INF2: variants seen among roughly 807,000 people sequenced by gnomAD.
INF2 encodes the protein inverted formin 2.
INF2 carries 43 observed loss-of-function variants against 123.5 expected under a neutral mutation model. The observed-to-expected ratio is 0.35, with a 90% CI of 0.27 to 0.45. The LOEUF is 0.45. Among genes scored for constraint, INF2 ranks in the 20% least tolerant of loss-of-function variants. The pLI is 1.00. For synonymous variants in INF2, 851 were observed against 745.0 expected (o/e 1.14, Z -2.32); for missense variants, 1,453 against 1,682.7 (o/e 0.86, Z 2.39).
Position 104,706,029 on chromosome 14 carries a change from G to T in INF2, c.702-6G>T. On this transcript the variant is annotated splice_polypyrimidine_tract_variant and splice_region_variant and intron_variant, in intron 5 of 22. Transcript: ENST00000392634. Reference sequence around the variant, plus strand: ...AGGCTTAGCCCACCTGGCCCCTCCTGCACAGAGACCTGGAGGATGCCGACC... The same window carrying T: ...AGGCTTAGCCCACCTGGCCCCTCCTTCACAGAGACCTGGAGGATGCCGACC... The T allele has an allele frequency of 6.2e-7, 1 of 1,611,230 alleles. No individual in the cohort carries two copies. Among genetic ancestry groups the T allele is most frequent in the Non-Finnish European group, 8.5e-7 (1 of 1,179,250 alleles).
rs1889888454 is a variant in INF2, at chr14:104,708,464, C to G, written c.1764C>G (p.Ser588Arg). 1 of 1,612,446 alleles carries G rather than the reference C, an allele frequency of 6.2e-7. No homozygotes were observed. Among genetic ancestry groups the G allele is most frequent in the Non-Finnish European group, 8.5e-7 (1 of 1,179,812 alleles). ...ACAACTCTATGTGGGCGTCCCTGAG[C>G]AGCCCCGACGCCGAGGCTGTGGAGC... ...REHNSMWASL[S>R]SPDAEAVEPD... Residue 588 changes from serine (S) to arginine (R), a missense_variant, in exon 9 of 23, where the codon AGC (serine) becomes AGG (arginine). Physicochemically the swap from Ser to Arg is moderately radical, Grantham distance 110. This residue lies in a region of INF2 where 192 missense variants were observed against 274.4 expected (regional missense o/e 0.70). Transcript: ENST00000392634.
intron 1 of INF2, among the ~76,000 whole-genome samples, chr14:104,700,108 TGCTCGACCCC>T (rs1250374608): frequency 2.0e-5 from 3 of 151,990 alleles, no homozygotes; most frequent in African/African-American, 7.3e-5. Flanking sequence ...GGCGCTTGGG[TGCTCGACCCC>T]GCTCAGCTCC....
At chr14:104,705,037 CTCAG>C (rs1162631436) in intron 5 of INF2, among the ~76,000 whole-genome samples, 3 of 152,242 alleles carry the variant, frequency 2.0e-5, no homozygotes, top group South Asian at 2.1e-4. Context: ...CTATCCAGGC[CTCAG>C]TCAGGACTGT....
In INF2 at chr14:104,713,515, C is replaced by T; in HGVS notation, c.2949C>T (p.Gly983=). ...CCCTGCTGGCTGACATCAGGAAGGG[C>T]TTCCAGCTGCGGAAGACAGCCCGGG... is the stretch of plus-strand genomic sequence containing the variant. ...IDALLADIRK[G]FQLRKTARGR... Residue 983 remains glycine, a synonymous_variant, in exon 20 of 23, where the codon GGC becomes GGT. Transcript: ENST00000392634. 1.2e-6 allele frequency: 2 copies of T among 1,611,700 alleles called. No homozygotes were observed. Among genetic ancestry groups the T allele is most frequent in the Non-Finnish European group, 1.7e-6 (2 of 1,179,482 alleles).
At chr14:104,703,651 C>T (rs1889640240) in intron 4 of INF2, among the ~76,000 whole-genome samples, 197 bp downstream of exon 4, 1 of 152,238 alleles carries the variant, frequency 6.6e-6, no homozygotes. Flanking sequence ...GGGGGTCAAC[C>T]CTGGACCGTT....
At position 104,712,974 on chromosome 14, in the gene INF2, T is replaced by C. The variant is rs544483655; in HGVS notation, c.2757T>C (p.Leu919=). 5 of 1,612,408 alleles carry C rather than the reference T, an allele frequency of 3.1e-6. No individual in the cohort carries two copies. Among genetic ancestry groups the C allele is most frequent in the Admixed American group, 1.7e-5 (1 of 60,002 alleles). ...TFSTMKAFRD[L]FLRALKENKD... is the part of the protein sequence containing the mutation. ...GCACCATGAAGGCTTTCCGGGACCT[T>C]TTCCTCCGCGCCCTGAAGGTGGGGC... Residue 919 remains leucine (L), a synonymous_variant, in exon 18 of 23, where the codon CTT becomes CTC. Transcript: ENST00000392634.
At chr14:104,714,950 G>A in intron 21 of INF2, 94 bp downstream of exon 21, 9 of 1,326,540 alleles carry the variant, frequency 6.8e-6, no homozygotes, top group Non-Finnish European at 9.1e-6. Context: ...GCAAGTTCCA[G>A]CGGCACCCAG....
In INF2 at chr14:104,714,502, C is replaced by T. The variant is rs758097778; in HGVS notation, c.3340C>T (p.Leu1114Phe). 1.9e-6 allele frequency: 3 copies of T among 1,612,778 alleles called. No homozygotes were observed. The highest frequency in any genetic ancestry group is 2.5e-6 in the Non-Finnish European group (3 of 1,179,846). The change falls in exon 21 of 23, where the codon CTC becomes TTC. Residue 1114 changes from leucine to phenylalanine, a missense_variant. By Grantham distance (22) the Leu-to-Phe change is conservative. Around this residue, in one of 8 missense-constraint regions of INF2, gnomAD observed 344 missense variants for 333.1 expected, o/e 1.03. Coordinates refer to ENST00000392634, the MANE Select transcript of INF2 (RefSeq NM_022489.4). ...GGGAGATGCTCAGGCCCTGAAGCCC[C>T]TCAAGTTCTCCAGCAACCAGCCCCC... ...TLGDAQALKP[L>F]KFSSNQPPAA...
Position 104,709,284 on chromosome 14 carries a change from C to A in INF2, c.1953C>A (p.Ser651=). The A allele has an allele frequency of 6.2e-7, 1 of 1,612,402 alleles. No homozygotes were observed. The highest frequency in any genetic ancestry group is 8.5e-7 in the Non-Finnish European group (1 of 1,179,508). ...CCCGGTCCTCTCCCTGCTCCAGCTCCAACGAGGAGGTCGCTGCTATGATCC... is the reference window on the plus strand; with the variant it reads ...CCCGGTCCTCTCCCTGCTCCAGCTCAAACGAGGAGGTCGCTGCTATGATCC... ...LNIFLKQFKC[S]NEEVAAMIRA... Residue 651 remains serine (S), a synonymous_variant, in exon 11 of 23, where the codon TCC becomes TCA. Transcript: ENST00000392634.
chr14:104,717,322 G>A (rs545353276), intron 22 of INF2, among the ~76,000 whole-genome samples: 41 of 127,998 alleles, frequency 3.2e-4, no homozygotes, highest in African/African-American at 8.6e-4. Context: ...GCGCGCTGCC[G>A]TCCTCCTAGT....
chr14:104,713,942 C>T (rs1370053395), intron 20 of INF2, among the ~76,000 whole-genome samples: 1 of 152,252 alleles, frequency 6.6e-6, no homozygotes, highest in Non-Finnish European at 1.5e-5. Context: ...AGGCAGGCGG[C>T]AAGGCCCTGG....
In INF2 at chr14:104,722,531, C is replaced by G. The variant is rs768228922; in HGVS notation, c.*3738C>G. ...CTCATCTGGAAACAAACCTCCATGA[C>G]GCTCTTGGTTTCTCCTGTTGCAGTC... On this transcript the variant is annotated 3_prime_UTR_variant, in exon 23 of 23. Coordinates refer to ENST00000392634, the MANE Select transcript of INF2 (RefSeq NM_022489.4). The G allele has an allele frequency of 2.0e-5, 3 of 152,264 alleles. No homozygotes were observed. The highest frequency in any genetic ancestry group is 4.8e-5 in the African/African-American group (2 of 41,426). The allele number at this position is 152,264 out of a possible 1,614,324, so 9.4% of individuals were successfully genotyped here. A position where few individuals can be genotyped will look rare whatever the true frequency, so the allele number is the denominator to read the frequency against.
intron 22 of INF2, among the ~76,000 whole-genome samples, chr14:104,716,981 C>T (rs1170250456): frequency 3.3e-5 from 5 of 152,340 alleles, no homozygotes; most frequent in African/African-American, 1.2e-4. Context: ...CGTGAGCCAC[C>T]GTGCCCAGCC....
chr14:104,689,690 C>G lies in INF2; in HGVS notation c.-59C>G, dbSNP rs1174353405. ...GCTGCCCGCAGCCCCTGACCCGGCC[C>G]CGGACGGAGCGCCGGCCGCACCACC... is the stretch of plus-strand genomic sequence containing the variant. On this transcript the variant is annotated 5_prime_UTR_variant, in exon 1 of 23. Coordinates refer to ENST00000392634, the MANE Select transcript of INF2 (RefSeq NM_022489.4). 1 of 984,886 alleles carries G rather than the reference C, an allele frequency of 1.0e-6. No homozygotes were observed. The highest frequency in any genetic ancestry group is 1.2e-6 in the Non-Finnish European group (1 of 829,750). The allele number at this position is 984,886 out of a possible 1,614,324, so 61.0% of individuals were successfully genotyped here.
chr14:104,708,375 C>T, intron 8 of INF2, 61 bp from the exon 9 acceptor site: 1 of 1,590,750 alleles, frequency 6.3e-7, no homozygotes, highest in Non-Finnish European at 8.6e-7. Flanking sequence ...CAGCCCCTGC[C>T]TGCTGGATCG....
chr14:104,704,479 G>A lies in INF2; in HGVS notation c.701+530G>A, dbSNP rs567596248. 3.2e-4 allele frequency: 61 copies of A among 189,952 alleles called. 1 individual carries two copies. The South Asian group carries it at 4.0e-3, about 12-fold the overall frequency. The allele number at this position is 189,952 out of a possible 1,614,324, so 11.8% of individuals were successfully genotyped here. A position where few individuals can be genotyped will look rare whatever the true frequency, so the allele number is the denominator to read the frequency against. On this transcript the variant is annotated intron_variant, in intron 5 of 22. Transcript: ENST00000392634. ...CCGGGCCACGCAGCAGGAAGTGAGC[G>A]GTGGGCGGGCATTCCTGCCTGAGCT...
intron 1 of INF2, among the ~76,000 whole-genome samples, chr14:104,692,474 C>A (rs1035673459): frequency 1.3e-5 from 2 of 152,124 alleles, no homozygotes; most frequent in Admixed American, 1.3e-4. Context: ...GAGGCCGAGG[C>A]CCCCCAGCCC....
intron 6 of INF2, 88 bp downstream of exon 6, chr14:104,706,264 C>A: frequency 7.3e-7 from 1 of 1,368,038 alleles, no homozygotes; most frequent in Non-Finnish European, 9.9e-7. Context: ...ACGGTCCTCC[C>A]TGCCCTGGTC....
At position 104,718,891 on chromosome 14, in the gene INF2, CT is replaced by C. The variant is rs1206894940; in HGVS notation, c.*99del. 4 of 1,568,334 alleles carry C rather than the reference CT, an allele frequency of 2.6e-6. No homozygotes were observed. Among genetic ancestry groups the C allele is most frequent in the Non-Finnish European group, 2.6e-6 (3 of 1,163,428 alleles). On this transcript the variant is annotated 3_prime_UTR_variant, in exon 23 of 23. Coordinates refer to ENST00000392634, the MANE Select transcript of INF2 (RefSeq NM_022489.4). ...GGCTCTTCTGGGGGCCAGGCTGGGA[CT>C]GGGCCCCGGAAACCAAAACTCCGTG...
Sources: gnomAD v4.1 joint callset for allele counts (sites outside exome capture counted in the v4.1 genomes callset) on GRCh38, gnomAD v4.1.1 for gene constraint, gnomAD v4.1.1 regional missense constraint, MANE v1.5 for transcripts, NCBI Gene and HGNC (gene_info 2026-07-23, HGNC 2026-07-21) for gene names.